Variants in DNAL1 observed in about 807,000 individuals in gnomAD.
DNAL1 encodes dynein axonemal light chain 1, also known as chromosome 14 open reading frame 168.
DNAL1 carries 17 observed loss-of-function variants against 29.4 expected under a neutral mutation model. That is an observed-to-expected ratio of 0.58 (90% CI 0.40 to 0.87). The LOEUF (loss-of-function observed/expected upper bound fraction) is 0.87. Ranked by LOEUF, DNAL1 falls within the 40% of genes least tolerant of loss-of-function variation. The probability of loss-of-function intolerance (pLI) is 0.00; values close to 1 mark genes in which losing one functional copy is unlikely to be tolerated. For missense variants in DNAL1, 188 were observed against 214.1 expected (o/e 0.88, Z 0.76); for synonymous variants, 78 against 76.3 (o/e 1.02, Z -0.12).
chr14:73,663,778 G>A (rs1891410724), intron 4 of DNAL1, among the ~76,000 whole-genome samples: 1 of 152,144 alleles, frequency 6.6e-6, no homozygotes, highest in East Asian at 1.9e-4. Flanking sequence ...AAAAAAGAAA[G>A]CTCTCTGCAG....
At position 73,697,786 on chromosome 14, in the gene DNAL1, C is replaced by T. The variant is rs781574502; in HGVS notation, c.*1844C>T. 15 of 150,970 alleles carry T rather than the reference C, an allele frequency of 9.9e-5. No individual in the cohort carries two copies. Among genetic ancestry groups the T allele is most frequent in the Non-Finnish European group, 2.1e-4 (14 of 67,834 alleles). The allele number at this position is 150,970 out of a possible 1,614,324, so 9.4% of individuals were successfully genotyped here. On this transcript the variant is annotated 3_prime_UTR_variant, in exon 8 of 8. Transcript: ENST00000553645. ...AAAAAGAGGAAAACTTGGTCTAACA[C>T]CCTTTTAGTTTTCTTTTCTCTCTTC...
At chr14:73,687,211 A>G in intron 5 of DNAL1, 48 bp from the exon 6 acceptor site, 1 of 1,602,008 alleles carries the variant, frequency 6.2e-7, no homozygotes, top group Non-Finnish European at 8.5e-7. Flanking sequence ...AAGAAGACAG[A>G]AAGAAAAGCT....
At chr14:73,660,121 G>A (rs1566881702) in intron 3 of DNAL1, among the ~76,000 whole-genome samples, 1 of 151,910 alleles carries the variant, frequency 6.6e-6, no homozygotes, top group Non-Finnish European at 1.5e-5. Context: ...GTAGAGATGG[G>A]GTTTCACCAT....
At chr14:73,666,326 G>A (rs1323465487) in intron 4 of DNAL1, among the ~76,000 whole-genome samples, 1 of 152,046 alleles carries the variant, frequency 6.6e-6, no homozygotes, top group Non-Finnish European at 1.5e-5. Flanking sequence ...ATATGACTAT[G>A]TTCAAACCAT....
Position 73,699,701 on chromosome 14 carries a change from A to G in DNAL1, c.*3759A>G, listed in dbSNP as rs1287915949. ...AGCAGGGTCTCAACTTTTATTTCTA[A>G]GCATTCTTGCTTATCTTAGGACAGT... On this transcript the variant is annotated 3_prime_UTR_variant, in exon 8 of 8. Transcript: ENST00000553645. The G allele has an allele frequency of 6.6e-6, 1 of 152,120 alleles. No homozygotes were observed. Among genetic ancestry groups the G allele is most frequent in the Non-Finnish European group, 1.5e-5 (1 of 68,030 alleles). The allele number at this position is 152,120 out of a possible 1,614,324, so 9.4% of individuals were successfully genotyped here.
chr14:73,646,339 A>G (rs1002685018), intron 1 of DNAL1, among the ~76,000 whole-genome samples: 2 of 152,250 alleles, frequency 1.3e-5, no homozygotes, highest in Non-Finnish European at 2.9e-5. Flanking sequence ...ATCATAGAAT[A>G]TGCTTACAAA....
At chr14:73,660,615 T>G (rs1891319440) in intron 3 of DNAL1, among the ~76,000 whole-genome samples, 1 of 152,208 alleles carries the variant, frequency 6.6e-6, no homozygotes, top group South Asian at 2.1e-4. Context: ...ACCCATGCAT[T>G]AGACTAATAT....
intron 2 of DNAL1, among the ~76,000 whole-genome samples, chr14:73,655,279 A>G (rs1301472836): frequency 6.6e-5 from 10 of 151,882 alleles, no homozygotes; most frequent in Non-Finnish European, 1.0e-4. Flanking sequence ...GGAAAGGCCA[A>G]TTTTACCTAT....
chr14:73,682,189 G>A (rs970900048), intron 5 of DNAL1, among the ~76,000 whole-genome samples: 5 of 51,996 alleles, frequency 9.6e-5, no homozygotes, highest in Non-Finnish European at 2.2e-4. Context: ...TTTTTTTTTT[G>A]AGATGGAGTC....
chr14:73,663,878 G>T (rs189836531), intron 4 of DNAL1, among the ~76,000 whole-genome samples: 84 of 152,300 alleles, frequency 5.5e-4, no homozygotes, highest in African/African-American at 1.9e-3. Flanking sequence ...AGCTGTTTGA[G>T]TAACTTCTCT....
chr14:73,677,854 G>T (rs1486853056), intron 5 of DNAL1, among the ~76,000 whole-genome samples: 1 of 142,622 alleles, frequency 7.0e-6, no homozygotes, highest in East Asian at 2.1e-4. Context: ...ACCATGCCCG[G>T]CCCATATATT....
Position 73,695,888 on chromosome 14 carries a change from CT to C in DNAL1, c.533-9del. The C allele has an allele frequency of 6.4e-7, 1 of 1,560,254 alleles. No individual in the cohort carries two copies. Among genetic ancestry groups the C allele is most frequent in the Non-Finnish European group, 8.7e-7 (1 of 1,152,962 alleles). On this transcript the variant is annotated splice_polypyrimidine_tract_variant and intron_variant, in intron 7 of 7. Transcript: ENST00000553645. ...TTTGAGAATAACCAGTAATAATTTT[CT>C]TTTTCATTTTAGGTACTCCAGTAAT...
At chr14:73,653,694 C>G (rs369041873) in intron 1 of DNAL1, among the ~76,000 whole-genome samples, 4 of 152,240 alleles carry the variant, frequency 2.6e-5, no homozygotes, top group East Asian at 3.9e-4. Context: ...GTTAACTACT[C>G]AGGATTCGTC....
At chr14:73,647,638 T>TA in intron 1 of DNAL1, among the ~76,000 whole-genome samples, 1 of 152,284 alleles carries the variant, frequency 6.6e-6, no homozygotes, top group Middle Eastern at 3.4e-3. Flanking sequence ...GTCCTGTCCT[T>TA]AGTTGGCCAG....
rs1230544514 is a variant in DNAL1, at chr14:73,703,089, G to A, written c.*7147G>A. 6.6e-6 allele frequency: 1 copy of A among 152,042 alleles called. No individual in the cohort carries two copies. Among genetic ancestry groups the A allele is most frequent in the Non-Finnish European group, 1.5e-5 (1 of 68,026 alleles). The allele number at this position is 152,042 out of a possible 1,614,324, so 9.4% of individuals were successfully genotyped here. A position where few individuals can be genotyped will look rare whatever the true frequency, so the allele number is the denominator to read the frequency against. On this transcript the variant is annotated 3_prime_UTR_variant, in exon 8 of 8. Transcript: ENST00000553645. ...TATGATCATGTCACTGCAAGACCCT[G>A]TCCCTAAAAAAAGGAAAAACAAATA... is the stretch of plus-strand genomic sequence containing the variant.
intron 4 of DNAL1, among the ~76,000 whole-genome samples, chr14:73,664,666 C>T (rs1033130127): frequency 2.6e-5 from 4 of 151,816 alleles, no homozygotes; most frequent in Non-Finnish European, 5.9e-5. Context: ...CTTAGGAGTT[C>T]GAGACCAGCC....
At chr14:73,651,977 C>G (rs1891123246) in intron 1 of DNAL1, among the ~76,000 whole-genome samples, 1 of 152,044 alleles carries the variant, frequency 6.6e-6, no homozygotes, top group South Asian at 2.1e-4. Flanking sequence ...TTTAAAATCT[C>G]TGTGTCTATA....
At chr14:73,680,753 G>C (rs566414340) in intron 5 of DNAL1, among the ~76,000 whole-genome samples, 1 of 152,256 alleles carries the variant, frequency 6.6e-6, no homozygotes, top group South Asian at 2.1e-4. Flanking sequence ...TCGTTGTTGT[G>C]TGAACATCAT....
At chr14:73,660,696 A>G (rs1288664507) in intron 3 of DNAL1, among the ~76,000 whole-genome samples, 3 of 152,184 alleles carry the variant, frequency 2.0e-5, no homozygotes, top group Admixed American at 6.5e-5. Context: ...TGTGATGAGA[A>G]CACAGTGTGT....
Sources: gnomAD v4.1 joint callset for allele counts (sites outside exome capture counted in the v4.1 genomes callset) on GRCh38, gnomAD v4.1.1 for gene constraint, MANE v1.5 for transcripts, NCBI Gene and HGNC (gene_info 2026-07-23, HGNC 2026-07-21) for gene names.